FRRS1L: variants seen among roughly 807,000 people sequenced by gnomAD.
FRRS1L encodes the protein DOMON domain-containing protein FRRS1L.
FRRS1L carries 22 observed loss-of-function variants against 28.6 expected under a neutral mutation model. The observed-to-expected ratio is 0.77, with a 90% CI of 0.55 to 1.10. The LOEUF (loss-of-function observed/expected upper bound fraction) is 1.10. Among genes scored for constraint, FRRS1L ranks in the 50% least tolerant of loss-of-function variants. The pLI, the probability that FRRS1L is intolerant of heterozygous loss-of-function variation, is 0.00. For missense variants in FRRS1L, 380 were observed against 386.9 expected (o/e 0.98, Z 0.15); for synonymous variants, 158 against 151.4 (o/e 1.04, Z -0.32).
At chr9:109,138,813 T>C (rs1831145465) in intron 4 of FRRS1L, 2 of 152,284 alleles carry the variant, frequency 1.3e-5, no homozygotes, top group Non-Finnish European at 2.9e-5. Context: ...CTTCTTTGAG[T>C]GAAATCCAAC....
chr9:109,156,221 T>C (rs912366840), intron 1 of FRRS1L, among the ~76,000 whole-genome samples: 1 of 152,330 alleles, frequency 6.6e-6, no homozygotes, highest in African/African-American at 2.4e-5. Flanking sequence ...TTTCACTCTT[T>C]CCCTTGATTG....
At chr9:109,153,304 T>C (rs905925736) in intron 1 of FRRS1L, among the ~76,000 whole-genome samples, 8 of 152,184 alleles carry the variant, frequency 5.3e-5, no homozygotes, top group African/African-American at 1.7e-4. Context: ...GGGCTGGAGA[T>C]TGAGTTTAAC....
At chr9:109,154,264 T>C (rs1273519612) in intron 1 of FRRS1L, among the ~76,000 whole-genome samples, 1 of 152,234 alleles carries the variant, frequency 6.6e-6, no homozygotes, top group Non-Finnish European at 1.5e-5. Flanking sequence ...GGATGGTAAC[T>C]TTCCTGAAGT....
chr9:109,139,789 G>A (rs545443790), intron 4 of FRRS1L: 2 of 152,296 alleles, frequency 1.3e-5, no homozygotes, highest in South Asian at 2.1e-4. Flanking sequence ...TTCCCAATTG[G>A]CAACAGGCAA....
At chr9:109,143,885 CA>C (rs936431985) in intron 3 of FRRS1L, among the ~76,000 whole-genome samples, 1 of 151,390 alleles carries the variant, frequency 6.6e-6, no homozygotes, top group Non-Finnish European at 1.5e-5. Context: ...ATTAGGTTCT[CA>C]AAAAAAATTA....
Position 109,135,129 on chromosome 9 carries a change from C to G in FRRS1L, c.*2326G>C, listed in dbSNP as rs1251276750. On this transcript the variant is annotated 3_prime_UTR_variant, in exon 5 of 5. Coordinates refer to ENST00000561981, the MANE Select transcript of FRRS1L (RefSeq NM_014334.4). The stretch of plus-strand genomic sequence containing the variant: ...GTTCAACTCCAGGAGAATGTGAAAG[C>G]TCTCCCCACAGGCAGACTTTCACCT... 1 of 152,176 alleles carries G rather than the reference C, an allele frequency of 6.6e-6. No homozygotes were observed. The highest frequency in any genetic ancestry group is 1.5e-5 in the Non-Finnish European group (1 of 68,048). 9.4% of individuals were successfully genotyped at this position (152,176 alleles called of 1,614,324 possible).
chr9:109,152,913 G>C (rs979840584), intron 1 of FRRS1L, among the ~76,000 whole-genome samples: 2 of 144,072 alleles, frequency 1.4e-5, no homozygotes, highest in African/African-American at 5.1e-5. Context: ...TTCTGAACTA[G>C]TTTATTCATG....
chr9:109,161,770 G>T (rs140241677), intron 1 of FRRS1L, among the ~76,000 whole-genome samples: 161 of 152,214 alleles, frequency 1.1e-3, no homozygotes, highest in African/African-American at 3.6e-3. Flanking sequence ...AGTTTTAATT[G>T]TCTGGCCACA....
intron 4 of FRRS1L, 80 bp from the exon 5 acceptor site, chr9:109,137,707 C>T (rs1269480036): frequency 4.5e-6 from 4 of 893,758 alleles, no homozygotes; most frequent in Non-Finnish European, 6.5e-6. Flanking sequence ...ATGGAAAAAT[C>T]AAAAGTCTAT....
In FRRS1L at chr9:109,134,132, C is replaced by T. The variant is rs1831086348; in HGVS notation, c.*3323G>A. On this transcript the variant is annotated 3_prime_UTR_variant, in exon 5 of 5. Transcript: ENST00000561981. ...GAAGAATATAAAAATGTTGGCCAGT[C>T]TCCCAATATACATGAAATGCAAGCC... 2.0e-5 allele frequency: 3 copies of T among 152,340 alleles called. 1 individual carries two copies. The South Asian group carries it at 6.2e-4, about 32-fold the overall frequency. The allele number at this position is 152,340 out of a possible 1,614,324, so 9.4% of individuals were successfully genotyped here. A position where few individuals can be genotyped will look rare whatever the true frequency, so the allele number is the denominator to read the frequency against.
intron 1 of FRRS1L, among the ~76,000 whole-genome samples, chr9:109,157,515 C>T (rs924738612): frequency 6.6e-6 from 1 of 152,090 alleles, no homozygotes; most frequent in South Asian, 2.1e-4. Flanking sequence ...GCACCCTGAG[C>T]AGCTGGGACC....
In FRRS1L at chr9:109,166,947, G is replaced by A. The variant is rs1366822339; in HGVS notation, c.192C>T (p.Gly64=). ...GGTCGTAGAACTCCCCCGCGAAGGT[G>A]CCGTAGGAGGAGTCGTGGCGCGGCA... The part of the protein sequence containing the change: ...EAVPRHDSSY[G]TFAGEFYDLR... Residue 64 remains glycine (G), a synonymous_variant, in exon 1 of 5, where the codon GGC becomes GGT. Transcript: ENST00000561981. 7.3e-7 allele frequency: 1 copy of A among 1,363,130 alleles called. No individual in the cohort carries two copies. Among genetic ancestry groups the A allele is most frequent in the South Asian group, 1.8e-5 (1 of 55,694 alleles). The allele number at this position is 1,363,130 out of a possible 1,614,324, so 84.4% of individuals were successfully genotyped here.
intron 1 of FRRS1L, among the ~76,000 whole-genome samples, chr9:109,158,684 G>A (rs1393887483): frequency 6.6e-6 from 1 of 152,068 alleles, no homozygotes; most frequent in Non-Finnish European, 1.5e-5. Flanking sequence ...CCTTTTTCTG[G>A]CTAAATAATA....
Position 109,167,027 on chromosome 9 carries a change from C to A in FRRS1L, c.112G>T (p.Gly38Trp). Residue 38 changes from glycine to tryptophan, a missense_variant, in exon 1 of 5, where the codon GGG becomes TGG. Coordinates refer to ENST00000561981, the MANE Select transcript of FRRS1L (RefSeq NM_014334.4). Reference protein sequence around the residue: ...ASPADDGAGPGGRGPRGRARG... With the variant: ...ASPADDGAGPWGRGPRGRARG... Reference sequence around the variant, plus strand: ...GCGCGTCCCCGGGGTCCCCGGCCCCCCGGGCCCGCACCGTCGTCCGCGGGG... The same window carrying A: ...GCGCGTCCCCGGGGTCCCCGGCCCCACGGGCCCGCACCGTCGTCCGCGGGG... The A allele has an allele frequency of 8.2e-7, 1 of 1,213,538 alleles. No individual in the cohort carries two copies. Among genetic ancestry groups the A allele is most frequent in the Non-Finnish European group, 1.0e-6 (1 of 977,424 alleles). The allele number at this position is 1,213,538 out of a possible 1,614,324, so 75.2% of individuals were successfully genotyped here.
chr9:109,146,441 T>C (rs192717410), intron 3 of FRRS1L, among the ~76,000 whole-genome samples: 1 of 152,074 alleles, frequency 6.6e-6, no homozygotes, highest in Admixed American at 6.5e-5. Flanking sequence ...TATCTCCAGG[T>C]AGGTAGTGTC....
At chr9:109,144,747 G>A (rs1245273099) in intron 3 of FRRS1L, among the ~76,000 whole-genome samples, 1 of 151,192 alleles carries the variant, frequency 6.6e-6, no homozygotes, top group Non-Finnish European at 1.5e-5. Flanking sequence ...ACAATGGCAC[G>A]ATCTCAGCTC....
At chr9:109,141,886 C>G (rs1166696507) in intron 3 of FRRS1L, among the ~76,000 whole-genome samples, 1 of 147,316 alleles carries the variant, frequency 6.8e-6, no homozygotes, top group African/African-American at 2.5e-5. Context: ...GAAGGTCATT[C>G]TACAAAAAAA....
intron 1 of FRRS1L, among the ~76,000 whole-genome samples, chr9:109,157,764 T>C (rs1200404149): frequency 1.3e-5 from 2 of 152,244 alleles, no homozygotes; most frequent in East Asian, 3.8e-4. Flanking sequence ...TTGGATACTA[T>C]ACTGTTACAG....
In FRRS1L at chr9:109,137,306, A is replaced by G; in HGVS notation, c.*149T>C. On this transcript the variant is annotated 3_prime_UTR_variant, in exon 5 of 5. Coordinates refer to ENST00000561981, the MANE Select transcript of FRRS1L (RefSeq NM_014334.4). ...AAACAATCTTCTTTGACTACAAAAG[A>G]AGCTTGTTCTTTCTTCCAAAAAGCT... 3 of 456,594 alleles carry G rather than the reference A, an allele frequency of 6.6e-6. No homozygotes were observed. 28.3% of individuals were successfully genotyped at this position (456,594 alleles called of 1,614,324 possible).
Sources: gnomAD v4.1 joint callset for allele counts (sites outside exome capture counted in the v4.1 genomes callset) on GRCh38, gnomAD v4.1.1 for gene constraint, MANE v1.5 for transcripts, NCBI Gene and HGNC (gene_info 2026-07-23, HGNC 2026-07-21) for gene names.